LPCAT1: variants seen among roughly 807,000 people sequenced by gnomAD.
LPCAT1 encodes 1-acylglycerol-3-phosphate O-acyltransferase.
Under a neutral mutation model 60.9 loss-of-function variants are expected in LPCAT1, and 23 were observed. The observed-to-expected ratio is 0.38, with a 90% CI of 0.27 to 0.53. The LOEUF (loss-of-function observed/expected upper bound fraction) is 0.53, where lower values mean the gene tolerates loss of function less well. LPCAT1 is among the 20% of genes least tolerant of loss of function. The pLI is 0.82. For synonymous variants in LPCAT1, 340 were observed against 301.1 expected (o/e 1.13, Z -1.34); for missense variants, 622 against 723.6 (o/e 0.86, Z 1.61).
chr5:1,492,867 A>C (rs1735643161), intron 3 of LPCAT1, among the ~76,000 whole-genome samples: 1 of 152,224 alleles, frequency 6.6e-6, no homozygotes. Flanking sequence ...CCCCCTGTCC[A>C]AGGACCCCTG....
At chr5:1,484,057 C>T (rs1390203800) in intron 5 of LPCAT1, among the ~76,000 whole-genome samples, 4 of 152,260 alleles carry the variant, frequency 2.6e-5, no homozygotes, top group African/African-American at 9.6e-5. Context: ...GGGCCCCACC[C>T]GCCGCCCTCA....
chr5:1,498,453 C>T (rs1735871642), intron 2 of LPCAT1, among the ~76,000 whole-genome samples: 1 of 152,170 alleles, frequency 6.6e-6, no homozygotes, highest in Non-Finnish European at 1.5e-5. Flanking sequence ...CTTGAGTGCC[C>T]ACAAGCATCC....
At position 1,479,657 on chromosome 5, in the gene LPCAT1, G is replaced by T. The variant is rs144254422; in HGVS notation, c.780C>A (p.Leu260=). ...CTTGGTTGTGAAACTGACACAGCGTGAGCCACAGGATTTCCAGCCTTAAAA... is the reference window on the plus strand; with the variant it reads ...CTTGGTTGTGAAACTGACACAGCGTTAGCCACAGGATTTCCAGCCTTAAAA... ...QGPGALEILW[L]TLCQFHNQVE... is the part of the protein sequence containing the mutation. Residue 260 remains leucine, a synonymous_variant, in exon 8 of 14, where the codon CTC becomes CTA. Coordinates refer to ENST00000283415, the MANE Select transcript of LPCAT1 (RefSeq NM_024830.5). The T allele has an allele frequency of 2.5e-6, 4 of 1,612,410 alleles. No individual in the cohort carries two copies. The highest frequency in any genetic ancestry group is 3.4e-6 in the Non-Finnish European group (4 of 1,178,446).
At chr5:1,482,125 C>T (rs775929937) in intron 6 of LPCAT1, among the ~76,000 whole-genome samples, 2 of 148,042 alleles carry the variant, frequency 1.4e-5, no homozygotes, top group Non-Finnish European at 2.9e-5. Context: ...GCAGTGAGCC[C>T]AGCACCAGTG....
chr5:1,476,326 C>T lies in LPCAT1; in HGVS notation c.899+1078G>A, dbSNP rs1734916308. Among the ~76,000 whole-genome samples, 1 of 152,150 alleles carries T rather than the reference C, an allele frequency of 6.6e-6. No homozygotes were observed. The highest frequency in any genetic ancestry group is 1.5e-5 in the Non-Finnish European group (1 of 68,030). On this transcript the variant is annotated intron_variant, in intron 9 of 13. Transcript: ENST00000283415. The surrounding 1 kb of genome is among the most constrained non-coding windows in gnomAD (Gnocchi z 8.6). ...TGCCTGTGGTGGGGGTTGAGTGGAGCTTTGCGGGACAGAGACTGCCGGGCC... is the reference window on the plus strand; with the variant it reads ...TGCCTGTGGTGGGGGTTGAGTGGAGTTTTGCGGGACAGAGACTGCCGGGCC...
intron 13 of LPCAT1, among the ~76,000 whole-genome samples, chr5:1,465,804 A>C (rs140417752): frequency 4.8e-4 from 73 of 151,612 alleles, no homozygotes; most frequent in African/African-American, 1.7e-3. Flanking sequence ...ATACTAAAAG[A>C]AGCACGCACA....
chr5:1,472,040 CA>C (rs1305816280), intron 11 of LPCAT1, among the ~76,000 whole-genome samples: 1 of 112,248 alleles, frequency 8.9e-6, no homozygotes, highest in East Asian at 2.9e-4. Context: ...GGTCAGAGAG[CA>C]GGAGGAAGTG....
chr5:1,469,498 G>C (rs1307871161), intron 12 of LPCAT1, among the ~76,000 whole-genome samples: 1 of 152,226 alleles, frequency 6.6e-6, no homozygotes, highest in Non-Finnish European at 1.5e-5. Flanking sequence ...CCAGCAGAAC[G>C]GGGGGCGGTG....
At chr5:1,499,821 C>T (rs1735940636) in intron 2 of LPCAT1, among the ~76,000 whole-genome samples, 1 of 152,270 alleles carries the variant, frequency 6.6e-6, no homozygotes, top group African/African-American at 2.4e-5. Flanking sequence ...CACCTAACTG[C>T]ATGTCTGAGT....
In LPCAT1 at chr5:1,522,800, AAAGT is replaced by A. The variant is rs201434559; in HGVS notation, c.135+906_135+909del. Among the ~76,000 whole-genome samples the A allele has an allele frequency of 0.01, 1,573 of 152,316 alleles. 17 individuals are homozygous for A. Among genetic ancestry groups the A allele is most frequent in the Non-Finnish European group, 0.016 (1,089 of 68,022 alleles). Reference sequence around the variant, plus strand: ...GCTTCTAGGAATTATTCTAGAGTCAAAAGTAAGGTCCTCTTGAGAGTGGATCTCA... The same window carrying A: ...GCTTCTAGGAATTATTCTAGAGTCAAAAGGTCCTCTTGAGAGTGGATCTCA... On this transcript the variant is annotated intron_variant, in intron 1 of 13. Transcript: ENST00000283415. This position sits in a 1 kb window ranked among gnomAD's most constrained non-coding sequence, Gnocchi z 6.8.
At position 1,523,711 on chromosome 5, in the gene LPCAT1, T is replaced by TG; in HGVS notation, c.133dup (p.Gln45ProfsTer197). On this transcript the variant is annotated frameshift_variant and splice_region_variant, in exon 1 of 14. Coordinates refer to ENST00000283415, the MANE Select transcript of LPCAT1 (RefSeq NM_024830.5). LOFTEE classifies it high-confidence loss of function. This position sits in a 1 kb window ranked among gnomAD's most constrained non-coding sequence, Gnocchi z 7.1. ...GGGCCGCGCGCCCTGGGCACCCACC[T>TG]GGGCCTTCTGCAGGGCGCTGAGGCG... 8.8e-7 allele frequency: 1 copy of TG among 1,140,066 alleles called. No homozygotes were observed. Among genetic ancestry groups the TG allele is most frequent in the Non-Finnish European group, 1.1e-6 (1 of 925,784 alleles). The allele number at this position is 1,140,066 out of a possible 1,614,324, so 70.6% of individuals were successfully genotyped here.
Position 1,473,874 on chromosome 5 carries a change from A to G in LPCAT1, c.1179+83T>C, listed in dbSNP as rs1458212605. Reference sequence around the variant, plus strand: ...TGCTTTCAAATTCATGTGAAAATATATTTATATTAGAATGAGAACAATTTA... The same window carrying G: ...TGCTTTCAAATTCATGTGAAAATATGTTTATATTAGAATGAGAACAATTTA... On this transcript the variant is annotated intron_variant, in intron 11 of 13. Coordinates refer to ENST00000283415, the MANE Select transcript of LPCAT1 (RefSeq NM_024830.5). 3 of 1,502,110 alleles carry G rather than the reference A, an allele frequency of 2.0e-6. No homozygotes were observed. In the African/African-American group the frequency reaches 4.2e-5, roughly 21 times the overall value. The allele number at this position is 1,502,110 out of a possible 1,614,324, so 93.0% of individuals were successfully genotyped here. A position where few individuals can be genotyped will look rare whatever the true frequency, so the allele number is the denominator to read the frequency against.
rs1403085267 is a variant in LPCAT1, at chr5:1,522,897, G to A, written c.135+813C>T. 6.6e-6 allele frequency among the ~76,000 whole-genome samples: 1 copy of A among 152,164 alleles called. No individual in the cohort carries two copies. Among genetic ancestry groups the A allele is most frequent in the Non-Finnish European group, 1.5e-5 (1 of 68,016 alleles). On this transcript the variant is annotated intron_variant, in intron 1 of 13. Coordinates refer to ENST00000283415, the MANE Select transcript of LPCAT1 (RefSeq NM_024830.5). The surrounding 1 kb of genome is among the most constrained non-coding windows in gnomAD (Gnocchi z 6.8). ...CAGGCTGAGCCAGCACATCCCCGGT[G>A]CAGCTTCCTGCAGCGAGCGGCCCCC...
intron 13 of LPCAT1, 83 bp from the exon 14 acceptor site, chr5:1,463,918 G>A: frequency 6.9e-7 from 1 of 1,441,644 alleles, no homozygotes; most frequent in Non-Finnish European, 9.6e-7. Flanking sequence ...CACGGCCCTG[G>A]TGGGTGTCCA....
chr5:1,464,553 T>G lies in LPCAT1; in HGVS notation c.1421-718A>C, dbSNP rs183621502. ...TTCAAAATGGAAACAAGCGCACGCA[T>G]GCACACATGCAAACACACACACACG... On this transcript the variant is annotated intron_variant, in intron 13 of 13. Transcript: ENST00000283415. 4.3e-3 allele frequency among the ~76,000 whole-genome samples: 655 copies of G among 152,182 alleles called. 10 individuals carry two copies. Among genetic ancestry groups the G allele is most frequent in the African/African-American group, 0.015 (608 of 41,524 alleles).
At chr5:1,497,469 G>T (rs557867013) in intron 2 of LPCAT1, among the ~76,000 whole-genome samples, 1 of 152,390 alleles carries the variant, frequency 6.6e-6, no homozygotes, top group East Asian at 1.9e-4. Flanking sequence ...CTATACACAT[G>T]TACACAGCCT....
chr5:1,484,050 C>T (rs903360423), intron 5 of LPCAT1, among the ~76,000 whole-genome samples: 21 of 152,232 alleles, frequency 1.4e-4, no homozygotes, highest in African/African-American at 4.3e-4. Context: ...TGCCTCGGGG[C>T]CCCACCCGCC....
rs73031899 is a variant in LPCAT1, at chr5:1,494,394, G to A, written c.493+306C>T. Among the ~76,000 whole-genome samples, 660 of 151,952 alleles carry A rather than the reference G, an allele frequency of 4.3e-3. 4 individuals are homozygous for A. Among genetic ancestry groups the A allele is most frequent in the South Asian group, 0.025 (121 of 4,810 alleles). ...CCAATGTGCCCGGCGGTGGGGGCTCGATCACTCCCAGCAGCGTGGTGGGGG... is the reference window on the plus strand; with the variant it reads ...CCAATGTGCCCGGCGGTGGGGGCTCAATCACTCCCAGCAGCGTGGTGGGGG... On this transcript the variant is annotated intron_variant, in intron 3 of 13. Coordinates refer to ENST00000283415, the MANE Select transcript of LPCAT1 (RefSeq NM_024830.5).
intron 13 of LPCAT1, 128 bp downstream of exon 13, chr5:1,466,621 G>C: frequency 9.5e-7 from 1 of 1,051,524 alleles, no homozygotes; most frequent in Non-Finnish European, 1.3e-6. Context: ...TGTTACACAG[G>C]GCAGCCTGGT....
Sources: gnomAD v4.1 joint callset for allele counts (sites outside exome capture counted in the v4.1 genomes callset) on GRCh38, gnomAD v4.1.1 for gene constraint, Gnocchi (gnomAD v3.1) non-coding constraint, MANE v1.5 for transcripts, NCBI Gene and HGNC (gene_info 2026-07-23, HGNC 2026-07-21) for gene names.